Variants in MRAP2 observed in about 807,000 individuals in gnomAD.
MRAP2 encodes melanocortin-2 receptor accessory protein 2.
Under a neutral mutation model 17.4 loss-of-function variants are expected in MRAP2, and 20 were observed. The observed-to-expected ratio is 1.15, with a 90% CI of 0.81 to 1.67. The LOEUF (loss-of-function observed/expected upper bound fraction) is 1.67, where lower values mean the gene tolerates loss of function less well. Ranked by LOEUF, MRAP2 falls within the 40% of genes most tolerant of loss-of-function variation. MRAP2 has a pLI of 0.00. For missense variants in MRAP2, 238 were observed against 240.0 expected, an observed-to-expected ratio of 0.99 and a Z score of 0.05; for synonymous variants, 96 against 88.4, an observed-to-expected ratio of 1.09 and a Z score of -0.48.
At chr6:84,141,768 C>T in the MRAP2 span, among the ~76,000 whole-genome samples, 3 of 152,148 alleles carry the variant, frequency 2.0e-5, no homozygotes, top group African/African-American at 7.2e-5. Flanking sequence ...CTTTGCTGTA[C>T]CTACACTCCA....
chr6:84,071,762 G>A (rs1268646556), intron 3 of MRAP2, among the ~76,000 whole-genome samples: 1 of 152,218 alleles, frequency 6.6e-6, no homozygotes. Flanking sequence ...ACTTCTTGGA[G>A]GCTTCTTTCG....
intron 1 of MRAP2, among the ~76,000 whole-genome samples, chr6:84,054,180 A>G (rs949329730): frequency 2.0e-5 from 3 of 152,038 alleles, no homozygotes; most frequent in African/African-American, 7.2e-5. Flanking sequence ...TGTTACTGCT[A>G]TTTGTCACTT....
the MRAP2 span, among the ~76,000 whole-genome samples, chr6:84,139,972 T>C: frequency 9.7e-6 from 1 of 103,106 alleles, no homozygotes; most frequent in African/African-American, 1.4e-4. Flanking sequence ...GGTGTCTGTT[T>C]AGACAAACTT....
intron 1 of MRAP2, among the ~76,000 whole-genome samples, chr6:84,036,126 CTT>C (rs76339606): frequency 7.2e-6 from 1 of 139,100 alleles, no homozygotes; most frequent in Admixed American, 7.2e-5. Context: ...TCTGTCTAGT[CTT>C]TTTTTTTTTT....
At chr6:84,121,588 G>A in the MRAP2 span, among the ~76,000 whole-genome samples, 1 of 152,034 alleles carries the variant, frequency 6.6e-6, no homozygotes, top group East Asian at 1.9e-4. Context: ...AGGTTGTAGT[G>A]AGCCGAGATT....
intron 1 of MRAP2, among the ~76,000 whole-genome samples, chr6:84,034,910 A>G (rs1034659986): frequency 2.0e-5 from 3 of 152,104 alleles, no homozygotes; most frequent in African/African-American, 4.8e-5. Context: ...CTGTGAGTCT[A>G]GTTTCCTTTA....
At chr6:84,110,558 CT>C in the MRAP2 span, among the ~76,000 whole-genome samples, 1 of 152,144 alleles carries the variant, frequency 6.6e-6, no homozygotes, top group Non-Finnish European at 1.5e-5. Flanking sequence ...TGTAGGTTGC[CT>C]GTTCACTCTG....
chr6:84,086,819 C>T (rs968806281), intron 3 of MRAP2, among the ~76,000 whole-genome samples: 2 of 152,136 alleles, frequency 1.3e-5, no homozygotes, highest in Non-Finnish European at 2.9e-5. Context: ...GTCTCTTGTG[C>T]CTTAGTTCTC....
At chr6:84,127,486 G>C in the MRAP2 span, among the ~76,000 whole-genome samples, 2 of 152,088 alleles carry the variant, frequency 1.3e-5, no homozygotes, top group African/African-American at 4.8e-5. Context: ...GGTTTGCAGA[G>C]AGCTCAGGGA....
At chr6:84,101,964 A>T in the MRAP2 span, among the ~76,000 whole-genome samples, 1 of 152,210 alleles carries the variant, frequency 6.6e-6, no homozygotes, top group African/African-American at 2.4e-5. Context: ...AGAGTTGAAC[A>T]CACAGGGGAT....
intron 3 of MRAP2, among the ~76,000 whole-genome samples, chr6:84,073,047 G>A (rs1727836928): frequency 6.6e-6 from 1 of 152,196 alleles, no homozygotes; most frequent in South Asian, 2.1e-4. Context: ...CACCTATGGA[G>A]TCTGCACACT....
the MRAP2 span, among the ~76,000 whole-genome samples, chr6:84,127,447 C>T: frequency 6.6e-6 from 1 of 152,050 alleles, no homozygotes. Context: ...CATCATTGAA[C>T]AAAGAACTAT....
At chr6:84,040,634 C>G (rs2099487300) in intron 1 of MRAP2, among the ~76,000 whole-genome samples, 2 of 152,136 alleles carry the variant, frequency 1.3e-5, no homozygotes, top group Admixed American at 6.5e-5. Context: ...ACAATGAAGT[C>G]CAGGCTGAGG....
intron 3 of MRAP2, among the ~76,000 whole-genome samples, chr6:84,074,395 T>C (rs1168179542): frequency 6.6e-6 from 1 of 152,212 alleles, no homozygotes; most frequent in Admixed American, 6.5e-5. Flanking sequence ...AACAGCATCC[T>C]TTTGGAACAT....
intron 3 of MRAP2, among the ~76,000 whole-genome samples, chr6:84,070,297 A>G (rs894007896): frequency 6.6e-6 from 1 of 152,056 alleles, no homozygotes; most frequent in Non-Finnish European, 1.5e-5. Flanking sequence ...TTGTGTCATT[A>G]TTGTGTTTCA....
At chr6:84,075,672 A>G (rs901484611) in intron 3 of MRAP2, among the ~76,000 whole-genome samples, 1 of 152,166 alleles carries the variant, frequency 6.6e-6, no homozygotes, top group African/African-American at 2.4e-5. Flanking sequence ...AAAAATTATC[A>G]AACCCCAGAC....
At chr6:84,063,097 G>T in intron 3 of MRAP2, 105 bp downstream of exon 3, 1 of 1,549,048 alleles carries the variant, frequency 6.5e-7, no homozygotes. Context: ...GAAGAGAAGG[G>T]GGTGGTTATA....
rs1480810321 is a variant in MRAP2, at chr6:84,089,639, C to G, written c.*158C>G. 2.5e-6 allele frequency: 2 copies of G among 802,064 alleles called. No homozygotes were observed. The highest frequency in any genetic ancestry group is 1.8e-5 in the African/African-American group (1 of 56,366). The allele number at this position is 802,064 out of a possible 1,614,324, so 49.7% of individuals were successfully genotyped here. Reference sequence around the variant, plus strand: ...GAGACCCCTTTAGAAGAGAGCTGAGCTGATTAAGCTGAGTGGTTTTTTGTT... The same window carrying G: ...GAGACCCCTTTAGAAGAGAGCTGAGGTGATTAAGCTGAGTGGTTTTTTGTT... On this transcript the variant is annotated 3_prime_UTR_variant, in exon 4 of 4. Coordinates refer to ENST00000257776, the MANE Select transcript of MRAP2 (RefSeq NM_138409.4).
chr6:84,122,864 A>ACAC, the MRAP2 span, among the ~76,000 whole-genome samples: 1 of 152,146 alleles, frequency 6.6e-6, no homozygotes, highest in African/African-American at 2.4e-5. Context: ...TAGACTTGAC[A>ACAC]AGTGAGTTCA....
Sources: allele counts gnomAD v4.1 joint callset (sites outside exome capture counted in the v4.1 genomes callset), GRCh38; gene constraint gnomAD v4.1.1; transcripts MANE v1.5; gene names NCBI Gene and HGNC (gene_info 2026-07-23, HGNC 2026-07-21).